The following GALNT14 variants were observed in gnomAD, a reference collection of about 807,000 sequenced individuals.
GALNT14 encodes polypeptide N-acetylgalactosaminyltransferase 14.
A neutral mutation model predicts 77.5 loss-of-function variants in GALNT14; 60 were observed. The ratio of observed to expected loss-of-function variants is 0.77; its 90% CI spans 0.63 to 0.96. GALNT14 has a LOEUF of 0.96. Among genes scored for constraint, GALNT14 ranks in the 40% least tolerant of loss-of-function variants. The pLI, the probability that GALNT14 is intolerant of heterozygous loss-of-function variation, is 0.00. For synonymous variants in GALNT14, 280 were observed against 281.7 expected, an observed-to-expected ratio of 0.99 and a Z score of 0.06; for missense variants, 710 against 731.0, an observed-to-expected ratio of 0.97 and a Z score of 0.33.
intron 1 of GALNT14, among the ~76,000 whole-genome samples, chr2:31,090,479 A>G (rs891786503): frequency 1.8e-5 from 2 of 114,096 alleles, no homozygotes; most frequent in African/African-American, 7.1e-5. Context: ...CAGTCCCTTC[A>G]TCTTTTTTTT....
chr2:30,937,413 C>T (rs1666120648), intron 9 of GALNT14, among the ~76,000 whole-genome samples: 1 of 152,220 alleles, frequency 6.6e-6, no homozygotes, highest in East Asian at 1.9e-4. Flanking sequence ...ATCAAGGTGT[C>T]AACAGGATGG....
chr2:30,981,003 C>T (rs1324695163), intron 2 of GALNT14, among the ~76,000 whole-genome samples: 2 of 152,168 alleles, frequency 1.3e-5, no homozygotes, highest in East Asian at 1.9e-4. Context: ...AACCTGGGGG[C>T]ACCGTGGTTC....
intron 2 of GALNT14, among the ~76,000 whole-genome samples, chr2:30,967,183 C>A (rs1668062527): frequency 6.6e-6 from 1 of 152,106 alleles, no homozygotes; most frequent in African/African-American, 2.4e-5. Context: ...AGGCCTGGGG[C>A]TTTTAATATA....
chr2:31,061,870 A>T (rs1674613667), intron 1 of GALNT14, among the ~76,000 whole-genome samples: 1 of 152,164 alleles, frequency 6.6e-6, no homozygotes, highest in Non-Finnish European at 1.5e-5. Context: ...ACTCATTACC[A>T]CATCTTATAA....
chr2:30,909,029 C>T (rs1489648285), downstream of GALNT14, among the ~76,000 whole-genome samples: 2 of 151,958 alleles, frequency 1.3e-5, no homozygotes, highest in African/African-American at 2.4e-5. Flanking sequence ...AAACTGGATC[C>T]CTTCCTTACA....
chr2:30,979,105 T>C (rs1668825741), intron 2 of GALNT14, among the ~76,000 whole-genome samples: 5 of 152,206 alleles, frequency 3.3e-5, no homozygotes, highest in Admixed American at 3.3e-4. Context: ...ACAGGAGCTG[T>C]GTGCCCACAG....
the GALNT14 span, among the ~76,000 whole-genome samples, chr2:30,893,424 A>G: frequency 1.3e-5 from 2 of 152,236 alleles, no homozygotes; most frequent in African/African-American, 4.8e-5. Flanking sequence ...AAAACAAAAG[A>G]TTGTACAAGA....
chr2:31,112,192 C>A (rs1235448678), intron 1 of GALNT14, among the ~76,000 whole-genome samples: 2 of 152,134 alleles, frequency 1.3e-5, no homozygotes, highest in Non-Finnish European at 2.9e-5. Flanking sequence ...GAGCAATGAG[C>A]CCAGCTCCAG....
chr2:30,903,606 G>C, the GALNT14 span, among the ~76,000 whole-genome samples: 2 of 152,218 alleles, frequency 1.3e-5, no homozygotes, highest in Non-Finnish European at 2.9e-5. Context: ...GCTTGGAACA[G>C]ATCCTGCTCT....
At chr2:30,938,384 A>ACACT (rs1174119035) in intron 9 of GALNT14, among the ~76,000 whole-genome samples, 1,641 of 141,662 alleles carry the variant, frequency 0.012, 10 homozygotes, top group Admixed American at 0.043. Flanking sequence ...ACACACACAC[A>ACACT]CTCTCTCTCT....
downstream of GALNT14, among the ~76,000 whole-genome samples, chr2:30,906,085 CA>C (rs1214849309): frequency 1.3e-4 from 19 of 151,058 alleles, no homozygotes; most frequent in Admixed American, 1.2e-3. Flanking sequence ...AAGGAACAAC[CA>C]GTACCAGCCG....
chr2:31,085,252 A>G (rs748166706), intron 1 of GALNT14, among the ~76,000 whole-genome samples: 1 of 152,152 alleles, frequency 6.6e-6, no homozygotes, highest in South Asian at 2.1e-4. Flanking sequence ...TCTTCCAGGC[A>G]TTCGGAAAGG....
intron 1 of GALNT14, among the ~76,000 whole-genome samples, chr2:31,066,130 T>C (rs1674940411): frequency 6.6e-6 from 1 of 152,210 alleles, no homozygotes; most frequent in Non-Finnish European, 1.5e-5. Context: ...GACAGGGCCC[T>C]TTTTCATGGC....
At chr2:30,942,932 G>A (rs963352180) in intron 8 of GALNT14, among the ~76,000 whole-genome samples, 3 of 152,150 alleles carry the variant, frequency 2.0e-5, no homozygotes, top group African/African-American at 7.2e-5. Flanking sequence ...TTAAAATGAG[G>A]TAATGAGCCC....
At chr2:31,109,751 T>C (rs1168194091) in intron 1 of GALNT14, among the ~76,000 whole-genome samples, 2 of 152,214 alleles carry the variant, frequency 1.3e-5, no homozygotes, top group Non-Finnish European at 2.9e-5. Context: ...AATTGGCTAC[T>C]GCTGATAGTG....
At chr2:30,949,715 T>A (rs1666913113) in intron 6 of GALNT14, among the ~76,000 whole-genome samples, 1 of 152,270 alleles carries the variant, frequency 6.6e-6, no homozygotes, top group South Asian at 2.1e-4. Context: ...CTCCTAGAGA[T>A]GTCCACTCTT....
chr2:31,100,446 T>G (rs570109286), intron 1 of GALNT14, among the ~76,000 whole-genome samples: 1 of 152,178 alleles, frequency 6.6e-6, no homozygotes, highest in Admixed American at 6.6e-5. Context: ...CTTTTATTGT[T>G]TGAAACAGTT....
chr2:31,103,489 A>AC (rs1225874327), intron 1 of GALNT14, among the ~76,000 whole-genome samples: 16 of 138,712 alleles, frequency 1.2e-4, no homozygotes, highest in African/African-American at 4.1e-4. Flanking sequence ...GAGAAGAAGG[A>AC]AACACACACA....
At chr2:30,959,239 G>C (rs1023258485) in intron 3 of GALNT14, among the ~76,000 whole-genome samples, 1 of 152,178 alleles carries the variant, frequency 6.6e-6, no homozygotes, top group Non-Finnish European at 1.5e-5. Context: ...CTAGTAGTTT[G>C]TATCTGATCC....
Sources: gnomAD v4.1 joint callset for allele counts (sites outside exome capture counted in the v4.1 genomes callset) on GRCh38, gnomAD v4.1.1 for gene constraint, MANE v1.5 for transcripts, NCBI Gene and HGNC (gene_info 2026-07-23, HGNC 2026-07-21) for gene names.